Variants in SCMH1 observed in about 807,000 individuals in gnomAD.
SCMH1 encodes polycomb protein SCMH1.
Under a neutral mutation model 70.8 loss-of-function variants are expected in SCMH1, and 37 were observed. The ratio of observed to expected loss-of-function variants is 0.52; its 90% CI spans 0.40 to 0.69. The LOEUF (loss-of-function observed/expected upper bound fraction) is 0.69. SCMH1 is among the 30% of genes least tolerant of loss of function. SCMH1 has a pLI of 0.00. For synonymous variants in SCMH1, 292 were observed against 307.4 expected, an observed-to-expected ratio of 0.95 and a Z score of 0.52; for missense variants, 607 against 827.3, an observed-to-expected ratio of 0.73 and a Z score of 3.27.
intron 6 of SCMH1, among the ~76,000 whole-genome samples, chr1:41,135,662 G>A (rs1006187120): frequency 1.3e-5 from 2 of 152,090 alleles, no homozygotes; most frequent in Non-Finnish European, 2.9e-5. Flanking sequence ...CTAATACAAG[G>A]CCTTTTAAGT....
At chr1:41,042,685 C>T (rs1346023394) in intron 12 of SCMH1, among the ~76,000 whole-genome samples, 2 of 152,142 alleles carry the variant, frequency 1.3e-5, no homozygotes, top group Non-Finnish European at 2.9e-5. Flanking sequence ...GCTCATCATG[C>T]TTTGCTGGGC....
At chr1:41,165,197 G>A (rs368566238) in intron 2 of SCMH1, among the ~76,000 whole-genome samples, 19 of 152,034 alleles carry the variant, frequency 1.2e-4, no homozygotes, top group African/African-American at 3.6e-4. Flanking sequence ...CATCCACGTT[G>A]TCAAAAATGA....
intron 2 of SCMH1, among the ~76,000 whole-genome samples, chr1:41,182,535 A>G (rs1337358354): frequency 6.6e-6 from 1 of 152,082 alleles, no homozygotes; most frequent in Non-Finnish European, 1.5e-5. Flanking sequence ...TCAGCAACAC[A>G]GTGAGACCTC....
At chr1:41,156,694 C>G (rs2148386830) in intron 4 of SCMH1, among the ~76,000 whole-genome samples, 1 of 152,284 alleles carries the variant, frequency 6.6e-6, no homozygotes, top group African/African-American at 2.4e-5. Flanking sequence ...CTGCCTCGGC[C>G]TCCCAAAGTG....
At chr1:41,070,744 A>C (rs920904613) in intron 9 of SCMH1, 23 bp from the exon 10 acceptor site, 2 of 1,613,290 alleles carry the variant, frequency 1.2e-6, no homozygotes, top group African/African-American at 1.3e-5. Flanking sequence ...ATGGGAAAAA[A>C]ATTGCTACCC....
At chr1:41,186,585 C>A (rs539649013) in intron 1 of SCMH1, among the ~76,000 whole-genome samples, 6 of 152,290 alleles carry the variant, frequency 3.9e-5, no homozygotes, top group African/African-American at 1.2e-4. Flanking sequence ...ATGGGCTGAA[C>A]TGTGTCTCCC....
chr1:41,191,645 A>C (rs1651733387), intron 1 of SCMH1, among the ~76,000 whole-genome samples: 1 of 152,126 alleles, frequency 6.6e-6, no homozygotes, highest in African/African-American at 2.4e-5. Flanking sequence ...TCCATCTCCA[A>C]TCCTACCATC....
intron 1 of SCMH1, among the ~76,000 whole-genome samples, chr1:41,239,467 T>C (rs1209472791): frequency 6.6e-6 from 1 of 152,236 alleles, no homozygotes; most frequent in Admixed American, 6.5e-5. Flanking sequence ...TCACCTTGTA[T>C]ATCTCAGCTA....
intron 8 of SCMH1, among the ~76,000 whole-genome samples, chr1:41,102,341 T>A (rs1201405971): frequency 6.6e-6 from 1 of 152,232 alleles, no homozygotes; most frequent in Non-Finnish European, 1.5e-5. Context: ...GGATATGTTT[T>A]TTATTAGCTT....
intron 4 of SCMH1, chr1:41,152,584 C>T (rs753293414): frequency 3.1e-6 from 5 of 1,613,580 alleles, no homozygotes; most frequent in Non-Finnish European, 4.2e-6. Flanking sequence ...TTACCAGTCT[C>T]CCCCTAATAC....
At chr1:41,146,947 T>C (rs1301563806) in intron 5 of SCMH1, among the ~76,000 whole-genome samples, 3 of 152,258 alleles carry the variant, frequency 2.0e-5, no homozygotes, top group South Asian at 2.1e-4. Flanking sequence ...TTTCTTTATA[T>C]AAATTTTTCG....
intron 1 of SCMH1, among the ~76,000 whole-genome samples, chr1:41,208,988 C>T (rs1031344140): frequency 1.3e-5 from 2 of 151,850 alleles, no homozygotes; most frequent in African/African-American, 4.8e-5. Context: ...ACTAGCAAGA[C>T]TAGTAAAGAA....
intron 13 of SCMH1, among the ~76,000 whole-genome samples, chr1:41,034,317 TTTTTCTTTTC>T (rs1194463637): frequency 6.6e-6 from 1 of 151,850 alleles, no homozygotes; most frequent in Non-Finnish European, 1.5e-5. Flanking sequence ...GAGGTGACTT[TTTTTCTTTTC>T]TTTTCTTTTT....
chr1:41,125,415 C>A (rs990722283), intron 6 of SCMH1, among the ~76,000 whole-genome samples: 6 of 151,878 alleles, frequency 4.0e-5, no homozygotes, highest in African/African-American at 1.2e-4. Context: ...CAGAGTTTCA[C>A]CATGTTGCCC....
intron 6 of SCMH1, among the ~76,000 whole-genome samples, chr1:41,125,642 G>A (rs1673006446): frequency 6.6e-6 from 1 of 150,868 alleles, no homozygotes; most frequent in Admixed American, 6.6e-5. Flanking sequence ...GCATGATCAT[G>A]GCTCACTGCA....
chr1:41,152,813 C>T, intron 4 of SCMH1: 1 of 1,381,000 alleles, frequency 7.2e-7, no homozygotes, highest in Non-Finnish European at 9.7e-7. Flanking sequence ...ACTTTACACT[C>T]TATTTATTTT....
rs182431747 is a variant in SCMH1, at chr1:41,228,777, G to T, written c.-118+13282C>A. ...AAAAAAAAAGAAAGGAATGTAGAGA[G>T]AATAGTATAATTATCAGACTTAAAA... is the stretch of plus-strand genomic sequence containing the variant. On this transcript the variant is annotated intron_variant, in intron 1 of 14. Coordinates refer to ENST00000337495, the Ensembl canonical transcript of SCMH1. Among the ~76,000 whole-genome samples, 35 of 152,046 alleles carry T rather than the reference G, an allele frequency of 2.3e-4. No homozygotes were observed. The East Asian group carries it at 4.4e-3, about 19-fold the overall frequency.
At chr1:41,107,622 C>T (rs928485185) in intron 8 of SCMH1, among the ~76,000 whole-genome samples, 18 of 152,064 alleles carry the variant, frequency 1.2e-4, no homozygotes, top group African/African-American at 3.6e-4. Flanking sequence ...TGGGTTCAAG[C>T]GATTCTCCTG....
intron 11 of SCMH1, among the ~76,000 whole-genome samples, chr1:41,047,644 C>T (rs557260409): frequency 5.3e-5 from 8 of 152,030 alleles, no homozygotes; most frequent in East Asian, 1.9e-4. Flanking sequence ...TCAGGTGATC[C>T]GCCCACCTCA....
Sources: gnomAD v4.1 joint callset for allele counts (sites outside exome capture counted in the v4.1 genomes callset) on GRCh38, gnomAD v4.1.1 for gene constraint, MANE v1.5 for transcripts, NCBI Gene and HGNC (gene_info 2026-07-23, HGNC 2026-07-21) for gene names.